The following FAM13C variants were observed in gnomAD, a reference collection of about 807,000 sequenced individuals.
FAM13C encodes the protein family with sequence similarity 13 member C.
Under a neutral mutation model 73.2 loss-of-function variants are expected in FAM13C, and 37 were observed. The observed-to-expected ratio is 0.51, with a 90% confidence interval of 0.39 to 0.67. FAM13C has a LOEUF of 0.67. FAM13C is among the 30% of genes least tolerant of loss of function. The probability of loss-of-function intolerance (pLI) is 0.00; values close to 1 mark genes in which losing one functional copy is unlikely to be tolerated. For missense variants in FAM13C, 589 were observed against 715.6 expected, an observed-to-expected ratio of 0.82 and a Z score of 2.02; for synonymous variants, 246 against 260.9, an observed-to-expected ratio of 0.94 and a Z score of 0.55.
chr10:59,362,816 G>T (rs1856564771), upstream of FAM13C: 2 of 331,116 alleles, frequency 6.0e-6, no homozygotes, highest in Non-Finnish European at 1.1e-5. Context: ...ACCCCCCGAG[G>T]CTGGCAATGA....
At chr10:59,357,325 C>T (rs865822665) in intron 1 of FAM13C, among the ~76,000 whole-genome samples, 63 of 152,120 alleles carry the variant, frequency 4.1e-4, no homozygotes, top group African/African-American at 1.4e-3. Flanking sequence ...TATATCTCAC[C>T]ACACATCACT....
intron 4 of FAM13C, among the ~76,000 whole-genome samples, chr10:59,314,476 A>G (rs1197182438): frequency 1.3e-5 from 2 of 152,232 alleles, no homozygotes; most frequent in African/African-American, 2.4e-5. Flanking sequence ...AGGTCTGCAT[A>G]CTGCCAAGGC....
At chr10:59,272,084 C>T (rs1843781139) in intron 6 of FAM13C, among the ~76,000 whole-genome samples, 1 of 152,204 alleles carries the variant, frequency 6.6e-6, no homozygotes, top group Non-Finnish European at 1.5e-5. Flanking sequence ...TTTGTAGAAT[C>T]ACACATCACT....
chr10:59,361,379 A>T (rs1856390582), intron 1 of FAM13C, among the ~76,000 whole-genome samples: 1 of 152,226 alleles, frequency 6.6e-6, no homozygotes, highest in African/African-American at 2.4e-5. Flanking sequence ...AGGACTTGGA[A>T]GCCAAAAGCA....
In FAM13C at chr10:59,257,250, C is replaced by G. The variant is rs565254619; in HGVS notation, c.1237-2807G>C. 5.9e-5 allele frequency among the ~76,000 whole-genome samples: 9 copies of G among 152,236 alleles called. No homozygotes were observed. In the East Asian group the frequency reaches 1.7e-3, roughly 29 times the overall value. On this transcript the variant is annotated intron_variant, in intron 10 of 13. Transcript: ENST00000618804. ...CTTTGCCACATGAAAATTCCTGGCC[C>G]CCTATCAAGTAGGTGATTTGAATCA... is the stretch of plus-strand genomic sequence containing the variant.
chr10:59,354,474 G>A (rs576489588), intron 2 of FAM13C, among the ~76,000 whole-genome samples: 1 of 152,256 alleles, frequency 6.6e-6, no homozygotes, highest in African/African-American at 2.4e-5. Context: ...CCTGAAAAAA[G>A]CCAGAGTCTA....
At chr10:59,264,507 C>A (rs777201031) in intron 8 of FAM13C, among the ~76,000 whole-genome samples, 3 of 152,178 alleles carry the variant, frequency 2.0e-5, no homozygotes, top group South Asian at 2.1e-4. Context: ...TTGCAGGTCA[C>A]CCACAGCCCA....
chr10:59,333,521 A>C (rs1852291805), intron 3 of FAM13C, among the ~76,000 whole-genome samples: 1 of 152,110 alleles, frequency 6.6e-6, no homozygotes, highest in African/African-American at 2.4e-5. Context: ...AAGTTTTAAA[A>C]TCCTTTTACT....
chr10:59,278,998 C>A (rs937340167), intron 6 of FAM13C, among the ~76,000 whole-genome samples: 2 of 152,194 alleles, frequency 1.3e-5, no homozygotes, highest in Admixed American at 1.3e-4. Context: ...TTATGGATAA[C>A]CAGATGCTCC....
At chr10:59,305,133 T>G (rs1193023429) in intron 4 of FAM13C, among the ~76,000 whole-genome samples, 1 of 152,186 alleles carries the variant, frequency 6.6e-6, no homozygotes, top group Non-Finnish European at 1.5e-5. Context: ...CTAAATGGAC[T>G]AAGACACATG....
chr10:59,297,657 A>G (rs1824012860), intron 5 of FAM13C, among the ~76,000 whole-genome samples: 1 of 152,148 alleles, frequency 6.6e-6, no homozygotes, highest in South Asian at 2.1e-4. Flanking sequence ...CTTCCACTTC[A>G]CTATGGCTGG....
At chr10:59,287,827 CA>C (rs1845779344) in intron 5 of FAM13C, among the ~76,000 whole-genome samples, 1 of 152,172 alleles carries the variant, frequency 6.6e-6, no homozygotes, top group Admixed American at 6.5e-5. Context: ...CTCCAAACCC[CA>C]AAGGCTGCCG....
chr10:59,277,322 T>G (rs1589428612), intron 6 of FAM13C, among the ~76,000 whole-genome samples: 6 of 152,324 alleles, frequency 3.9e-5, no homozygotes, highest in African/African-American at 1.4e-4. Context: ...TATTTCATAT[T>G]TATTTTATAA....
intron 3 of FAM13C, among the ~76,000 whole-genome samples, chr10:59,350,695 G>T (rs990776091): frequency 6.6e-6 from 1 of 152,152 alleles, no homozygotes; most frequent in Non-Finnish European, 1.5e-5. Context: ...CTAAATAAGA[G>T]GTTGCAATGC....
At chr10:59,308,583 A>AGCAC (rs1440447695) in intron 4 of FAM13C, among the ~76,000 whole-genome samples, 2 of 150,876 alleles carry the variant, frequency 1.3e-5, no homozygotes, top group Non-Finnish European at 3.0e-5. Context: ...CACCACCACC[A>AGCAC]GCACCACCAA....
intron 4 of FAM13C, among the ~76,000 whole-genome samples, chr10:59,319,072 A>AACACACACAC (rs59965630): frequency 2.4e-4 from 32 of 134,658 alleles, no homozygotes; most frequent in South Asian, 5.0e-4. Flanking sequence ...TAGCTATTCA[A>AACACACACAC]ACACACACAC....
In FAM13C at chr10:59,252,822, C is replaced by T. The variant is rs1321719978; in HGVS notation, c.1509G>A (p.Met503Ile). The T allele has an allele frequency of 2.5e-6, 4 of 1,613,934 alleles. No homozygotes were observed. The South Asian group carries it at 4.4e-5, about 18-fold the overall frequency. ...ACATGGTAGCCTCATGTAAATTAGA[C>T]ATGGAGAGAGCTGGTGGTTTTACTT... is the stretch of plus-strand genomic sequence containing the variant. ...KKEVKPPALS[M>I]SNLHEATMPV... is the part of the protein sequence containing the mutation. The change falls in exon 12 of 14, where the codon ATG (methionine) becomes ATA (isoleucine). Residue 503 changes from methionine (M) to isoleucine (I), a missense_variant. By Grantham distance (10) the Met-to-Ile change is conservative (BLOSUM62 1). Transcript: ENST00000618804.
At chr10:59,349,122 T>C (rs1854697781) in intron 3 of FAM13C, among the ~76,000 whole-genome samples, 1 of 152,236 alleles carries the variant, frequency 6.6e-6, no homozygotes, top group South Asian at 2.1e-4. Flanking sequence ...TTACGTGCTA[T>C]GCTTATTATA....
At chr10:59,247,873 C>A in intron 13 of FAM13C, 136 bp from the exon 14 acceptor site, 1 of 743,120 alleles carries the variant, frequency 1.3e-6, no homozygotes, top group South Asian at 2.0e-5. Context: ...TTTTCCTTCC[C>A]TTTCACCTTC....
Sources: allele counts gnomAD v4.1 joint callset (sites outside exome capture counted in the v4.1 genomes callset), GRCh38; gene constraint gnomAD v4.1.1; transcripts MANE v1.5; gene names NCBI Gene and HGNC (gene_info 2026-07-23, HGNC 2026-07-21).